Variants in CCDC14 observed in about 807,000 individuals in gnomAD.
The protein encoded by CCDC14 is coiled-coil domain containing 14.
CCDC14 carries 71 observed loss-of-function variants against 81.4 expected under a neutral mutation model. That is an observed-to-expected ratio of 0.87 (90% CI 0.72 to 1.06). The LOEUF (loss-of-function observed/expected upper bound fraction) is 1.06. Among genes scored for constraint, CCDC14 ranks in the 50% least tolerant of loss-of-function variants. The pLI is 0.00. For missense variants in CCDC14, 1,046 were observed against 1,047.3 expected (o/e 1.00, Z 0.02); for synonymous variants, 332 against 364.8 (o/e 0.91, Z 1.03).
At position 123,915,700 on chromosome 3, in the gene CCDC14, C is replaced by T. The variant is rs2034641579; in HGVS notation, c.1797G>A (p.Met599Ile). 6.2e-7 allele frequency: 1 copy of T among 1,611,164 alleles called. No individual in the cohort carries two copies. Among genetic ancestry groups the T allele is most frequent in the Non-Finnish European group, 8.5e-7 (1 of 1,178,812 alleles). ...CACTAAGATCGGAGAGAAGCTTTGC[C>T]ATGCTAGTCTGTAAAGTTCTGTTAA... ...RELTRTLQTS[M>I]AKLLSDLSVD... Residue 599 changes from methionine to isoleucine, a missense_variant, in exon 13 of 13, where the codon ATG becomes ATA. Coordinates refer to ENST00000409697, the MANE Select transcript of CCDC14 (RefSeq NM_001366335.1).
intron 9 of CCDC14, among the ~76,000 whole-genome samples, chr3:123,942,390 A>T (rs1005767812): frequency 4.6e-5 from 7 of 152,040 alleles, no homozygotes; most frequent in African/African-American, 1.7e-4. Context: ...GGTTTTAAAA[A>T]TTTATGCTGG....
chr3:123,915,206 C>G lies in CCDC14; in HGVS notation c.2291G>C (p.Ser764Thr). Residue 764 changes from serine to threonine, a missense_variant, in exon 13 of 13, where the codon AGC (serine) becomes ACC (threonine). Physicochemically the swap from Ser to Thr is moderately conservative, Grantham distance 58. Transcript: ENST00000409697. ...TCCAGAGACAGCAAGTCCGCTGTTG[C>G]TGACTAGCTGTGTTGTAGCTGCTCT... ...QIRAATTQLVSNSGLAVSGKE... is the reference protein window; with the variant it reads ...QIRAATTQLVTNSGLAVSGKE... 1 of 1,613,702 alleles carries G rather than the reference C, an allele frequency of 6.2e-7. No individual in the cohort carries two copies. Among genetic ancestry groups the G allele is most frequent in the Non-Finnish European group, 8.5e-7 (1 of 1,179,732 alleles).
intron 10 of CCDC14, among the ~76,000 whole-genome samples, chr3:123,932,774 G>A (rs560436760): frequency 1.3e-5 from 2 of 152,012 alleles, no homozygotes; most frequent in South Asian, 4.2e-4. Context: ...ATACCCTTTG[G>A]CTCAACAATT....
rs563321376 is a variant in CCDC14, at chr3:123,914,773, CT to C, written c.*5del. 6.1e-3 allele frequency: 9,213 copies of C among 1,501,852 alleles called. 43 individuals are homozygous for C. The highest frequency in any genetic ancestry group is 7.1e-3 in the Non-Finnish European group (7,934 of 1,124,944). The allele number at this position is 1,501,852 out of a possible 1,614,324, so 93.0% of individuals were successfully genotyped here. A position where few individuals can be genotyped will look rare whatever the true frequency, so the allele number is the denominator to read the frequency against. ...AAAGAAGCACCTGATGAGTTTTCTT[CT>C]GAATTCATTTCTCCAGAAGACCAGT... On this transcript the variant is annotated 3_prime_UTR_variant, in exon 13 of 13. Coordinates refer to ENST00000409697, the MANE Select transcript of CCDC14 (RefSeq NM_001366335.1).
At chr3:123,921,941 T>C (rs1447702392) in intron 12 of CCDC14, among the ~76,000 whole-genome samples, 1 of 152,200 alleles carries the variant, frequency 6.6e-6, no homozygotes, top group Non-Finnish European at 1.5e-5. Context: ...ATTCTTCTCT[T>C]GTGCACACAG....
At chr3:123,891,375 A>G in the CCDC14 span, among the ~76,000 whole-genome samples, 7 of 152,258 alleles carry the variant, frequency 4.6e-5, no homozygotes, top group East Asian at 1.4e-3. Context: ...CAGGCTGCAA[A>G]TTTTCTGAAC....
chr3:123,914,687 C>T lies in CCDC14; in HGVS notation c.*92G>A. On this transcript the variant is annotated 3_prime_UTR_variant, in exon 13 of 13. Transcript: ENST00000409697. ...CAATATATTACTTCACACATAATAA[C>T]ATAAAACATCATTTCACTAAAGAAA... 6.9e-7 allele frequency: 1 copy of T among 1,442,272 alleles called. No individual in the cohort carries two copies. Among genetic ancestry groups the T allele is most frequent in the South Asian group, 1.5e-5 (1 of 64,726 alleles). 89.3% of individuals were successfully genotyped at this position (1,442,272 alleles called of 1,614,324 possible). A position where few individuals can be genotyped will look rare whatever the true frequency, so the allele number is the denominator to read the frequency against.
the CCDC14 span, among the ~76,000 whole-genome samples, chr3:123,889,752 C>T: frequency 6.6e-6 from 1 of 152,214 alleles, no homozygotes; most frequent in Non-Finnish European, 1.5e-5. Context: ...GGCAGTGCCA[C>T]AGTGGGGACT....
chr3:123,917,907 TTATAA>T (rs936603292), intron 12 of CCDC14, among the ~76,000 whole-genome samples: 13 of 152,062 alleles, frequency 8.5e-5, no homozygotes, highest in African/African-American at 1.4e-4. Flanking sequence ...AATATATTAG[TTATAA>T]TATAAGATAG....
chr3:123,890,504 G>T, the CCDC14 span, among the ~76,000 whole-genome samples: 63 of 152,314 alleles, frequency 4.1e-4, no homozygotes, highest in South Asian at 8.3e-4. Flanking sequence ...CTAAATGGGA[G>T]AATTTGGCCA....
At chr3:123,887,098 GT>G in the CCDC14 span, among the ~76,000 whole-genome samples, 117 of 151,758 alleles carry the variant, frequency 7.7e-4, no homozygotes, top group Non-Finnish European at 1.4e-3. Flanking sequence ...CTTGAAAACA[GT>G]TTTTTTTGCA....
chr3:123,952,890 G>T, intron 5 of CCDC14: 1 of 212,340 alleles, frequency 4.7e-6, no homozygotes, highest in East Asian at 9.8e-5. Context: ...GTTAACAGCT[G>T]CCAACCACAC....
At chr3:123,924,819 T>C (rs936488838) in intron 12 of CCDC14, among the ~76,000 whole-genome samples, 6 of 152,078 alleles carry the variant, frequency 3.9e-5, no homozygotes, top group Admixed American at 2.6e-4. Context: ...TGTAAATTAG[T>C]ATAGACACAA....
intron 12 of CCDC14, among the ~76,000 whole-genome samples, chr3:123,918,216 T>TTGTTTTTAAC (rs1488813062): frequency 6.6e-6 from 1 of 152,220 alleles, no homozygotes; most frequent in African/African-American, 2.4e-5. Context: ...CCTACAAAAC[T>TTGTTTTTAAC]AAAAACAAAT....
At position 123,948,750 on chromosome 3, in the gene CCDC14, A is replaced by T; in HGVS notation, c.625T>A (p.Cys209Ser). Residue 209 changes from cysteine (C) to serine (S), a missense_variant, in exon 7 of 13, where the codon TGT becomes AGT. Coordinates refer to ENST00000409697, the MANE Select transcript of CCDC14 (RefSeq NM_001366335.1). ...QATPHSSYGL[C>S]TSTPVWSLQR... The stretch of plus-strand genomic sequence containing the variant: ...AGTGACCAGACTGGGGTGGAGGTAC[A>T]TAAGCCATAACTAGAATGAGGAGTT... The T allele has an allele frequency of 6.2e-7, 1 of 1,600,080 alleles. No homozygotes were observed. Among genetic ancestry groups the T allele is most frequent in the Non-Finnish European group, 8.5e-7 (1 of 1,176,590 alleles).
At position 123,956,095 on chromosome 3, in the gene CCDC14, A is replaced by G. The variant is rs2037312511; in HGVS notation, c.180T>C (p.Leu60=). The G allele has an allele frequency of 6.5e-7, 1 of 1,548,202 alleles. No homozygotes were observed. Among genetic ancestry groups the G allele is most frequent in the African/African-American group, 1.4e-5 (1 of 72,850 alleles). Residue 60 remains leucine, a synonymous_variant, in exon 4 of 13, where the codon CTT becomes CTC. Transcript: ENST00000409697. ...CCCTCAGCAAAGAAGCACAACCATC[A>G]AGCCCGTGTACAGTTTCAGCCTGTA... is the stretch of plus-strand genomic sequence containing the variant. ...SESQAETVHG[L]DGCASLLRDI...
At position 123,947,011 on chromosome 3, in the gene CCDC14, T is replaced by C. The variant is rs770850214; in HGVS notation, c.993A>G (p.Gln331=). Residue 331 remains glutamine, a synonymous_variant, in exon 8 of 13, where the codon CAA becomes CAG. Coordinates refer to ENST00000409697, the MANE Select transcript of CCDC14 (RefSeq NM_001366335.1). ...SQTHRSPTQS[Q]PAFLATNEEK... ...CTTCATTAGTGGCCAAGAAAGCTGG[T>C]TGTGACTGAGTAGGGCTTCGGTGTG... The C allele has an allele frequency of 6.8e-6, 11 of 1,614,014 alleles. No individual in the cohort carries two copies. The East Asian group carries it at 1.8e-4, about 26-fold the overall frequency.
At chr3:123,904,541 C>A (rs540925098) in intron 5 of CCDC14, among the ~76,000 whole-genome samples, 1 of 150,594 alleles carries the variant, frequency 6.6e-6, no homozygotes, top group African/African-American at 2.4e-5. Context: ...ACTCGTTAAT[C>A]TCATGATGGT....
At chr3:123,924,202 C>T (rs2035227565) in intron 12 of CCDC14, among the ~76,000 whole-genome samples, 1 of 151,952 alleles carries the variant, frequency 6.6e-6, no homozygotes, top group Non-Finnish European at 1.5e-5. Context: ...AAAGTCTCTT[C>T]AACAAATGGT....
Sources: allele counts gnomAD v4.1 joint callset (sites outside exome capture counted in the v4.1 genomes callset), GRCh38; gene constraint gnomAD v4.1.1; transcripts MANE v1.5; gene names NCBI Gene and HGNC (gene_info 2026-07-23, HGNC 2026-07-21).